DPYD: variants seen among roughly 807,000 people sequenced by gnomAD.
DPYD encodes the protein dihydropyrimidine dehydrogenase, also known as dihydropyrimidine dehydrogenase [NADP(+)].
A neutral mutation model predicts 116.2 loss-of-function variants in DPYD; 109 were observed. The ratio of observed to expected loss-of-function variants is 0.94; its 90% CI spans 0.80 to 1.10. The LOEUF is 1.10. Ranked by LOEUF, DPYD falls within the 50% of genes least tolerant of loss-of-function variation. DPYD has a pLI of 0.00. For synonymous variants in DPYD, 440 were observed against 432.0 expected (o/e 1.02, Z -0.23); for missense variants, 1,302 against 1,254.5 (o/e 1.04, Z -0.57).
intron 8 of DPYD, among the ~76,000 whole-genome samples, chr1:97,655,025 T>G (rs568517096): frequency 6.6e-6 from 1 of 152,262 alleles, no homozygotes; most frequent in African/African-American, 2.4e-5. Flanking sequence ...CATGATTCAA[T>G]TATCTCCCAC....
chr1:97,580,535 C>T (rs1653572273), intron 10 of DPYD, among the ~76,000 whole-genome samples: 1 of 152,144 alleles, frequency 6.6e-6, no homozygotes. Flanking sequence ...TTAAAAATCT[C>T]ATAGAAGCAG....
intron 3 of DPYD, chr1:97,774,812 T>A (rs550440579): frequency 5.1e-4 from 86 of 169,332 alleles, no homozygotes; most frequent in African/African-American, 2.0e-3. Flanking sequence ...GGAAAAAAAA[T>A]TCATGTATAT....
chr1:97,686,234 T>A (rs1660717766), intron 7 of DPYD, among the ~76,000 whole-genome samples: 1 of 152,154 alleles, frequency 6.6e-6, no homozygotes, highest in Admixed American at 6.5e-5. Flanking sequence ...GGGGAAAGGA[T>A]TCCCTATTTA....
At chr1:97,139,360 TA>T (rs199554589) in intron 20 of DPYD, among the ~76,000 whole-genome samples, 110 of 151,600 alleles carry the variant, frequency 7.3e-4, no homozygotes, top group African/African-American at 2.6e-3. Context: ...GTTATAAAAA[TA>T]AAAAAAAATT....
At chr1:97,407,688 T>C (rs1441602577) in intron 14 of DPYD, among the ~76,000 whole-genome samples, 4 of 152,166 alleles carry the variant, frequency 2.6e-5, no homozygotes, top group African/African-American at 9.7e-5. Flanking sequence ...TACACGGTAC[T>C]CTTCCTCCCA....
chr1:97,094,366 G>A (rs1650091971), intron 21 of DPYD, among the ~76,000 whole-genome samples: 1 of 152,116 alleles, frequency 6.6e-6, no homozygotes, highest in African/African-American at 2.4e-5. Flanking sequence ...AAGAAAGCAG[G>A]ACAGTTAATA....
At chr1:97,144,348 T>C (rs1255516332) in intron 20 of DPYD, among the ~76,000 whole-genome samples, 1 of 152,172 alleles carries the variant, frequency 6.6e-6, no homozygotes, top group Non-Finnish European at 1.5e-5. Context: ...TATACTCAAT[T>C]AATGGAAGGT....
At chr1:97,481,570 C>T (rs1557742114) in intron 13 of DPYD, among the ~76,000 whole-genome samples, 1 of 152,046 alleles carries the variant, frequency 6.6e-6, no homozygotes, top group Non-Finnish European at 1.5e-5. Flanking sequence ...TGTATATAAT[C>T]CATACTCTGA....
chr1:97,548,735 C>CA (rs1163655234), intron 12 of DPYD, among the ~76,000 whole-genome samples: 1 of 151,636 alleles, frequency 6.6e-6, no homozygotes, highest in African/African-American at 2.4e-5. Context: ...GACTTTGTCT[C>CA]AAAAAATATA....
chr1:97,744,081 TAATC>T (rs1404919052), intron 3 of DPYD, among the ~76,000 whole-genome samples: 21 of 152,144 alleles, frequency 1.4e-4, no homozygotes, highest in East Asian at 9.6e-4. Context: ...ATAGAATACT[TAATC>T]AATGTTAATT....
At chr1:97,475,976 T>C (rs1255670140) in intron 13 of DPYD, among the ~76,000 whole-genome samples, 1 of 152,176 alleles carries the variant, frequency 6.6e-6, no homozygotes, top group Non-Finnish European at 1.5e-5. Flanking sequence ...GAGATACAGT[T>C]ACATCAGAAA....
chr1:97,736,893 TTTA>T (rs1053966997), intron 4 of DPYD, among the ~76,000 whole-genome samples: 39 of 145,600 alleles, frequency 2.7e-4, no homozygotes, highest in Admixed American at 6.2e-4. Flanking sequence ...TGTGTAGGGC[TTTA>T]TTAAGATATA....
chr1:97,795,479 T>A (rs1200271513), intron 3 of DPYD, among the ~76,000 whole-genome samples: 4 of 151,986 alleles, frequency 2.6e-5, no homozygotes, highest in African/African-American at 9.7e-5. Flanking sequence ...ACAGAATACA[T>A]AAAATACGTT....
chr1:97,141,169 C>T (rs572512269), intron 20 of DPYD, among the ~76,000 whole-genome samples: 1 of 152,144 alleles, frequency 6.6e-6, no homozygotes, highest in East Asian at 1.9e-4. Context: ...TAACACAGTC[C>T]CTGGCATATA....
At chr1:97,322,672 G>T (rs926176174) in intron 16 of DPYD, 42 of 151,980 alleles carry the variant, frequency 2.8e-4, no homozygotes, top group African/African-American at 9.7e-4. Flanking sequence ...GGGTGTGTCT[G>T]TGTAAAAAGA....
intron 20 of DPYD, among the ~76,000 whole-genome samples, chr1:97,158,523 A>ACT (rs1553225182): frequency 1.4e-5 from 2 of 145,276 alleles, no homozygotes; most frequent in Admixed American, 7.0e-5. Context: ...ACACACACAC[A>ACT]CTCTATCCAA....
At chr1:97,727,417 G>C (rs1663328477) in intron 4 of DPYD, among the ~76,000 whole-genome samples, 1 of 151,736 alleles carries the variant, frequency 6.6e-6, no homozygotes. Context: ...ATTCTGACTG[G>C]CAAGCTGAGG....
At chr1:97,724,307 G>C (rs1254026705) in intron 4 of DPYD, among the ~76,000 whole-genome samples, 1 of 482 alleles carries the variant, frequency 2.1e-3, no homozygotes, top group South Asian at 0.12. Context: ...GGGGGGGGGG[G>C]GTGTGTGTGT....
intron 8 of DPYD, among the ~76,000 whole-genome samples, chr1:97,605,314 C>T (rs2100734411): frequency 6.6e-6 from 1 of 152,132 alleles, no homozygotes; most frequent in East Asian, 1.9e-4. Context: ...CCCATTAATT[C>T]TCACATGTTG....
Sources: allele counts gnomAD v4.1 joint callset (sites outside exome capture counted in the v4.1 genomes callset), GRCh38; gene constraint gnomAD v4.1.1; transcripts MANE v1.5; gene names NCBI Gene and HGNC (gene_info 2026-07-23, HGNC 2026-07-21).